PEBP4: variants seen among roughly 807,000 people sequenced by gnomAD.
The protein encoded by PEBP4 is phosphatidylethanolamine-binding protein 4.
A neutral mutation model predicts 23.9 loss-of-function variants in PEBP4; 22 were observed. The observed-to-expected ratio is 0.92, with a 90% confidence interval of 0.66 to 1.31. PEBP4 has a LOEUF of 1.31. Among genes scored for constraint, PEBP4 ranks in the 40% most tolerant of loss-of-function variants. The pLI, the probability that PEBP4 is intolerant of heterozygous loss-of-function variation, is 0.00. For synonymous variants in PEBP4, 112 were observed against 99.3 expected, an observed-to-expected ratio of 1.13 and a Z score of -0.76; for missense variants, 324 against 281.7, an observed-to-expected ratio of 1.15 and a Z score of -1.07.
At chr8:22,726,922 A>C (rs1412561400) in intron 5 of PEBP4, among the ~76,000 whole-genome samples, 1 of 152,210 alleles carries the variant, frequency 6.6e-6, no homozygotes, top group East Asian at 1.9e-4. Context: ...GGCCCCCTGC[A>C]CTGTGAAGCT....
chr8:22,796,542 T>C (rs796771814), intron 4 of PEBP4, among the ~76,000 whole-genome samples: 20 of 152,268 alleles, frequency 1.3e-4, no homozygotes, highest in African/African-American at 4.8e-4. Flanking sequence ...GGGAAAGATA[T>C]GCCAGGCTCA....
At chr8:22,918,857 G>A (rs996217582) in intron 3 of PEBP4, among the ~76,000 whole-genome samples, 2 of 152,182 alleles carry the variant, frequency 1.3e-5, no homozygotes, top group Non-Finnish European at 2.9e-5. Context: ...CCACAGGTGT[G>A]CCCAGTCCAA....
chr8:22,920,913 G>A (rs1809185817), intron 2 of PEBP4, among the ~76,000 whole-genome samples: 1 of 152,236 alleles, frequency 6.6e-6, no homozygotes, highest in Non-Finnish European at 1.5e-5. Context: ...CCCTCAGGGG[G>A]TAAAACACTG....
intron 3 of PEBP4, among the ~76,000 whole-genome samples, chr8:22,849,726 A>G (rs1176103645): frequency 6.6e-6 from 1 of 152,026 alleles, no homozygotes; most frequent in Non-Finnish European, 1.5e-5. Context: ...TGTTACTACA[A>G]CTCTTCACTC....
At chr8:22,832,866 C>A (rs1232090193) in intron 3 of PEBP4, among the ~76,000 whole-genome samples, 1 of 152,054 alleles carries the variant, frequency 6.6e-6, no homozygotes, top group African/African-American at 2.4e-5. Context: ...CAAATGCCAG[C>A]CACCCACCCA....
At chr8:22,785,181 C>T (rs955273807) in intron 4 of PEBP4, among the ~76,000 whole-genome samples, 2 of 152,176 alleles carry the variant, frequency 1.3e-5, no homozygotes, top group African/African-American at 2.4e-5. Flanking sequence ...TCTGCATTTC[C>T]GCAAATGAGG....
intron 4 of PEBP4, among the ~76,000 whole-genome samples, chr8:22,742,105 C>G (rs995925485): frequency 6.6e-6 from 1 of 152,162 alleles, no homozygotes. Context: ...TCTGAGGAGT[C>G]TGGGATTCTA....
chr8:22,724,944 GGAGC>G lies in PEBP4; in HGVS notation c.412_415del (p.Ala138ProfsTer43). On this transcript the variant is annotated frameshift_variant, in exon 6 of 7. Coordinates refer to ENST00000256404, the MANE Select transcript of PEBP4 (RefSeq NM_144962.3). LOFTEE classifies it high-confidence loss of function. ...GAAGCCACTGTGTGCCGGTGGGGAG[GGAGC>G]CTGGTAGGCTATAGGTAGAAGCAGG... The G allele has an allele frequency of 6.2e-7, 1 of 1,613,796 alleles. No homozygotes were observed. The highest frequency in any genetic ancestry group is 1.1e-5 in the South Asian group (1 of 91,064).
At chr8:22,922,880 A>G (rs1204058469) in intron 2 of PEBP4, among the ~76,000 whole-genome samples, 1 of 152,186 alleles carries the variant, frequency 6.6e-6, no homozygotes, top group Non-Finnish European at 1.5e-5. Flanking sequence ...AAGGCACTCT[A>G]GACAGTGGAG....
intron 4 of PEBP4, among the ~76,000 whole-genome samples, chr8:22,815,560 G>A (rs1360312652): frequency 6.6e-6 from 1 of 152,180 alleles, no homozygotes; most frequent in Non-Finnish European, 1.5e-5. Flanking sequence ...GGGGAAGGTG[G>A]GCAGGGCCAA....
At chr8:22,918,557 GA>G (rs539396041) in intron 3 of PEBP4, among the ~76,000 whole-genome samples, 5 of 152,150 alleles carry the variant, frequency 3.3e-5, no homozygotes, top group Non-Finnish European at 7.3e-5. Context: ...CAGGTGCTCA[GA>G]AAAGTCTACA....
Position 22,842,673 on chromosome 8 carries a change from G to A in PEBP4, c.259-24938C>T, listed in dbSNP as rs1807352970. Among the ~76,000 whole-genome samples the A allele has an allele frequency of 2.0e-5, 3 of 152,096 alleles. No individual in the cohort carries two copies. In the East Asian group the frequency reaches 5.8e-4, roughly 29 times the overall value. On this transcript the variant is annotated intron_variant, in intron 3 of 6. Transcript: ENST00000256404. ...CACAGCCATAGGAAGGGTGTGCAGG[G>A]CCGTTCCTACTGCCATAAGACGCAG... is the stretch of plus-strand genomic sequence containing the variant.
At chr8:22,896,154 A>C (rs961989093) in intron 3 of PEBP4, 1 of 152,292 alleles carries the variant, frequency 6.6e-6, no homozygotes, top group Non-Finnish European at 1.5e-5. Context: ...CAGAAGAAGA[A>C]GATGTCCTAG....
intron 4 of PEBP4, among the ~76,000 whole-genome samples, chr8:22,786,804 C>T (rs1189274435): frequency 6.6e-6 from 1 of 150,672 alleles, no homozygotes; most frequent in Admixed American, 6.6e-5. Context: ...ATGCAGGAAA[C>T]AGGGCTGCAC....
chr8:22,723,593 T>A (rs1804562967), intron 6 of PEBP4, among the ~76,000 whole-genome samples: 1 of 152,196 alleles, frequency 6.6e-6, no homozygotes, highest in Admixed American at 6.5e-5. Flanking sequence ...GTGAGATCGG[T>A]AGCCAGGGTG....
chr8:22,788,664 T>G (rs1382437952), intron 4 of PEBP4, among the ~76,000 whole-genome samples: 2 of 152,246 alleles, frequency 1.3e-5, no homozygotes, highest in African/African-American at 4.8e-5. Context: ...TGATGGTTAT[T>G]CATATGCTAT....
chr8:22,864,422 C>T lies in PEBP4; in HGVS notation c.259-46687G>A, dbSNP rs987375778. 3.9e-5 allele frequency among the ~76,000 whole-genome samples: 5 copies of T among 129,782 alleles called. No homozygotes were observed. In the South Asian group the frequency reaches 8.4e-4, roughly 22 times the overall value. The allele number at this position is 129,782 out of a possible 152,430, so 85.1% of individuals were successfully genotyped here. On this transcript the variant is annotated intron_variant, in intron 3 of 6. Coordinates refer to ENST00000256404, the MANE Select transcript of PEBP4 (RefSeq NM_144962.3). ...GACTGTGTGACCTCTGAACCTAACC[C>T]AGGACCCAGCACTGACTTAAGAGGA...
intron 4 of PEBP4, among the ~76,000 whole-genome samples, chr8:22,753,375 C>A (rs17088616): frequency 2.6e-5 from 4 of 152,014 alleles, no homozygotes; most frequent in African/African-American, 7.3e-5. Flanking sequence ...AACTGGGGGC[C>A]GCATGAACTT....
At chr8:22,744,700 C>G in intron 4 of PEBP4, 1 of 152,342 alleles carries the variant, frequency 6.6e-6, no homozygotes, top group East Asian at 1.9e-4. Flanking sequence ...AGGCACAGCT[C>G]CTACATCCTT....
Sources: gnomAD v4.1 joint callset for allele counts (sites outside exome capture counted in the v4.1 genomes callset) on GRCh38, gnomAD v4.1.1 for gene constraint, MANE v1.5 for transcripts, NCBI Gene and HGNC (gene_info 2026-07-23, HGNC 2026-07-21) for gene names.